The following DNAH1 variants were observed in gnomAD, a reference collection of about 807,000 sequenced individuals.
The protein encoded by DNAH1 is axonemal beta dynein heavy chain 1.
A neutral mutation model predicts 484.3 loss-of-function variants in DNAH1; 327 were observed. The ratio of observed to expected loss-of-function variants is 0.68; its 90% confidence interval spans 0.62 to 0.74. The LOEUF (loss-of-function observed/expected upper bound fraction) is 0.74. DNAH1 is among the 30% of genes least tolerant of loss of function. DNAH1 has a pLI of 0.00. For synonymous variants in DNAH1, 2,192 were observed against 2,191.9 expected (o/e 1.00, Z 0.00); for missense variants, 5,052 against 5,546.8 (o/e 0.91, Z 2.83).
At chr3:52,393,144 C>A in intron 65 of DNAH1, 119 bp downstream of exon 65, 1 of 1,429,488 alleles carries the variant, frequency 7.0e-7, no homozygotes, top group Non-Finnish European at 9.6e-7. Context: ...TCCTCTTAGA[C>A]TCACAATACA....
chr3:52,345,014 G>A (rs1197240805), intron 9 of DNAH1, among the ~76,000 whole-genome samples: 1 of 152,152 alleles, frequency 6.6e-6, no homozygotes, highest in African/African-American at 2.4e-5. Context: ...CAGGACCCCG[G>A]GGCCCAAGAA....
rs549953056 is a variant in DNAH1, at chr3:52,395,376, C to T, written c.11037C>T (p.Pro3679=). ...STTPLIFVLS[P]GTDPAADLYK... is the part of the protein sequence containing the mutation. ...CACCCCTCATCTTTGTGCTGTCACCCGGCACAGACCCTGCTGCCGACCTCT... is the reference window on the plus strand; with the variant it reads ...CACCCCTCATCTTTGTGCTGTCACCTGGCACAGACCCTGCTGCCGACCTCT... The change falls in exon 69 of 78, where the codon CCC becomes CCT. Residue 3679 remains proline, a synonymous_variant. Transcript: ENST00000420323. This position sits in a 1 kb window ranked among gnomAD's most constrained non-coding sequence, Gnocchi z 4.4. 4.9e-5 allele frequency: 79 copies of T among 1,613,842 alleles called. 1 individual carries two copies. The highest frequency in any genetic ancestry group is 1.1e-4 in the South Asian group (10 of 91,070).
rs1385444550 is a variant in DNAH1 at position 52,362,476 on chromosome 3, G to A, written c.5069G>A (p.Arg1690His). 6.2e-7 allele frequency: 1 copy of A among 1,613,774 alleles called. No individual in the cohort carries two copies. Among genetic ancestry groups the A allele is most frequent in the Non-Finnish European group, 8.5e-7 (1 of 1,179,900 alleles). ...ACCATGAACCCGGGCTACGCTGGCC[G>A]CACGGAGCTGCCTGACAATCTGAAG... ...FITMNPGYAG[R>H]TELPDNLKAL... The change falls in exon 31 of 78, where the codon CGC becomes CAC. Residue 1690 changes from arginine to histidine, a missense_variant. By Grantham distance (29) the Arg-to-His change is conservative. This residue lies in a region of DNAH1 where 2,929 missense variants were observed against 3,409.4 expected (regional missense o/e 0.86). Coordinates refer to ENST00000420323, the MANE Select transcript of DNAH1 (RefSeq NM_015512.5). The surrounding 1 kb of genome is among the most constrained non-coding windows in gnomAD (Gnocchi z 5.1).
chr3:52,326,857 A>G lies in DNAH1; in HGVS notation c.704A>G (p.His235Arg). 6.2e-7 allele frequency: 1 copy of G among 1,613,424 alleles called. No individual in the cohort carries two copies. ...HQHPQTIEQG[H>R]DPIFPIYLPL... is the part of the protein sequence containing the mutation. ...CACCCCCAAACCATCGAACAGGGCCATGACCCAATCTTCCCCATCTACCTC... is the reference window on the plus strand; with the variant it reads ...CACCCCCAAACCATCGAACAGGGCCGTGACCCAATCTTCCCCATCTACCTC... The change falls in exon 5 of 78, where the codon CAT becomes CGT. Residue 235 changes from histidine (H) to arginine (R), a missense_variant. This residue lies in a region of DNAH1 where 1,263 missense variants were observed against 1,218.8 expected (regional missense o/e 1.04). Coordinates refer to ENST00000420323, the MANE Select transcript of DNAH1 (RefSeq NM_015512.5).
rs1704661262 is a variant in DNAH1 at position 52,396,947 on chromosome 3, T to C, written c.11690T>C (p.Ile3897Thr). The C allele has an allele frequency of 6.2e-7, 1 of 1,601,882 alleles. No individual in the cohort carries two copies. Among genetic ancestry groups the C allele is most frequent in the Admixed American group, 1.7e-5 (1 of 59,504 alleles). Residue 3897 changes from isoleucine to threonine, a missense_variant, in exon 73 of 78, where the codon ATC becomes ACC. Ile to Thr is a moderately conservative substitution (Grantham distance 89). Around this residue, in one of 4 missense-constraint regions of DNAH1, gnomAD observed 853 missense variants for 899.0 expected, o/e 0.95. Coordinates refer to ENST00000420323, the MANE Select transcript of DNAH1 (RefSeq NM_015512.5). Reference sequence around the variant, plus strand: ...TGGGACCGGCGCTGCATCATGAACATCTTGGAGGACTTCTACAACCCTGAC... The same window carrying C: ...TGGGACCGGCGCTGCATCATGAACACCTTGGAGGACTTCTACAACCCTGAC... ...DDWDRRCIMNILEDFYNPDVL... is the reference protein window; with the variant it reads ...DDWDRRCIMNTLEDFYNPDVL...
Position 52,355,150 on chromosome 3 carries a change from C to T in DNAH1, c.3693+95C>T. 8.0e-7 allele frequency: 1 copy of T among 1,247,814 alleles called. No individual in the cohort carries two copies. The allele number at this position is 1,247,814 out of a possible 1,614,324, so 77.3% of individuals were successfully genotyped here. A position where few individuals can be genotyped will look rare whatever the true frequency, so the allele number is the denominator to read the frequency against. The stretch of plus-strand genomic sequence containing the variant: ...GATGGTCTCCGGGTGGGGTTCAAAG[C>T]ATCGCAGTGCCTTGCCCTCATTCAC... On this transcript the variant is annotated intron_variant, in intron 21 of 77. Coordinates refer to ENST00000420323, the MANE Select transcript of DNAH1 (RefSeq NM_015512.5). The surrounding 1 kb of genome is among the most constrained non-coding windows in gnomAD (Gnocchi z 4.5).
intron 35 of DNAH1, 53 bp downstream of exon 35, chr3:52,366,601 G>A (rs1334606380): frequency 6.4e-6 from 10 of 1,558,958 alleles, no homozygotes; most frequent in Non-Finnish European, 8.7e-6. Context: ...CCTGTAGGGG[G>A]GTGCAGCTTC....
chr3:52,346,538 G>C lies in DNAH1; in HGVS notation c.1723G>C (p.Asp575His). ...GGTGGCCATGCGCAGCAGCCTGCGC[G>C]ACATGAGCAAGGGCTGGTACAACCT... ...LKVAMRSSLR[D>H]MSKGWYNLYE... Residue 575 changes from aspartate to histidine, a missense_variant, in exon 11 of 78, where the codon GAC becomes CAC. Asp to His is a moderately conservative substitution (Grantham distance 81). This residue lies in a region of DNAH1 where 1,263 missense variants were observed against 1,218.8 expected (regional missense o/e 1.04). Coordinates refer to ENST00000420323, the MANE Select transcript of DNAH1 (RefSeq NM_015512.5). The C allele has an allele frequency of 6.2e-7, 1 of 1,613,950 alleles. No individual in the cohort carries two copies. Among genetic ancestry groups the C allele is most frequent in the South Asian group, 1.1e-5 (1 of 91,054 alleles).
upstream of DNAH1, among the ~76,000 whole-genome samples, chr3:52,311,526 C>T (rs1207272249): frequency 6.6e-6 from 1 of 152,124 alleles, no homozygotes; most frequent in African/African-American, 2.4e-5. Context: ...GGAGAGGAGA[C>T]TGCAGGGGGA....
intron 41 of DNAH1, among the ~76,000 whole-genome samples, chr3:52,371,425 TC>T (rs1703334369): frequency 6.6e-6 from 1 of 152,168 alleles, no homozygotes; most frequent in African/African-American, 2.4e-5. Context: ...GCCATAGTGA[TC>T]CCCCCATCAG....
intron 41 of DNAH1, 29 bp from the exon 42 acceptor site, chr3:52,371,917 G>A (rs1271226799): frequency 6.2e-7 from 1 of 1,609,452 alleles, no homozygotes; most frequent in Non-Finnish European, 8.5e-7. Context: ...GGGGTTCCAG[G>A]CCCACTGCTG....
chr3:52,388,975 C>T, intron 59 of DNAH1, 38 bp downstream of exon 59: 2 of 1,547,016 alleles, frequency 1.3e-6, no homozygotes, highest in Non-Finnish European at 1.7e-6. Flanking sequence ...CCAGCCTCGC[C>T]TTCCCAAAGA....
At position 52,397,882 on chromosome 3, in the gene DNAH1, G is replaced by A. The variant is rs749479420; in HGVS notation, c.11958+5G>A. 5 of 1,596,542 alleles carry A rather than the reference G, an allele frequency of 3.1e-6. No homozygotes were observed. The Admixed American group carries it at 6.8e-5, about 22-fold the overall frequency. ...GGCAGCCAGGGCCGGGAGGAGGTGGGTGGTGTCAGAGTAAGGGGCCCAAGG... is the reference window on the plus strand; with the variant it reads ...GGCAGCCAGGGCCGGGAGGAGGTGGATGGTGTCAGAGTAAGGGGCCCAAGG... On this transcript the variant is annotated splice_donor_5th_base_variant and intron_variant, in intron 74 of 77. Coordinates refer to ENST00000420323, the MANE Select transcript of DNAH1 (RefSeq NM_015512.5).
chr3:52,311,249 G>T, the DNAH1 span, among the ~76,000 whole-genome samples: 1 of 152,204 alleles, frequency 6.6e-6, no homozygotes, highest in Admixed American at 6.5e-5. Context: ...GAGGCCCTGC[G>T]CCTCCAGGAG....
chr3:52,351,139 C>T (rs372304214), intron 16 of DNAH1, among the ~76,000 whole-genome samples: 1 of 152,340 alleles, frequency 6.6e-6, no homozygotes. Flanking sequence ...CGTGAGCCAC[C>T]GCGCCCAGCC....
chr3:52,390,393 A>G (rs562393957), intron 60 of DNAH1, among the ~76,000 whole-genome samples: 1 of 152,364 alleles, frequency 6.6e-6, no homozygotes, highest in African/African-American at 2.4e-5. Flanking sequence ...TGAACCCAGG[A>G]GGTGGAGGCT....
chr3:52,377,896 C>A (rs961170306), intron 46 of DNAH1, among the ~76,000 whole-genome samples: 3 of 152,118 alleles, frequency 2.0e-5, no homozygotes, highest in Non-Finnish European at 4.4e-5. Context: ...ACTTGCTAAT[C>A]CACTCATTGT....
chr3:52,361,403 TCC>T lies in DNAH1; in HGVS notation c.4874+52_4874+53del. 6.7e-7 allele frequency: 1 copy of T among 1,490,588 alleles called. No individual in the cohort carries two copies. Among genetic ancestry groups the T allele is most frequent in the Non-Finnish European group, 9.0e-7 (1 of 1,114,510 alleles). 92.3% of individuals were successfully genotyped at this position (1,490,588 alleles called of 1,614,324 possible). A position where few individuals can be genotyped will look rare whatever the true frequency, so the allele number is the denominator to read the frequency against. On this transcript the variant is annotated intron_variant, in intron 29 of 77. Transcript: ENST00000420323. The surrounding 1 kb of genome is among the most constrained non-coding windows in gnomAD (Gnocchi z 5.6). ...AGGATGGGGTGGGACAGCCTAGCTC[TCC>T]TTGGGGAGGGCTAGGTGAGGGCAGT...
Position 52,400,396 on chromosome 3 carries a change from C to A in DNAH1, c.12748C>A (p.Arg4250=). ...AVEIPTHQPQ[R]HWIKRGVALI... ...GGAGATCCCCACCCATCAGCCCCAGCGACACTGGATAAAGCGTGGTGTGGC... is the reference window on the plus strand; with the variant it reads ...GGAGATCCCCACCCATCAGCCCCAGAGACACTGGATAAAGCGTGGTGTGGC... Residue 4250 remains arginine (R), a synonymous_variant, in exon 78 of 78, where the codon CGA becomes AGA. Transcript: ENST00000420323. 6.2e-7 allele frequency: 1 copy of A among 1,614,040 alleles called. No individual in the cohort carries two copies. Among genetic ancestry groups the A allele is most frequent in the Non-Finnish European group, 8.5e-7 (1 of 1,179,890 alleles).
Sources: gnomAD v4.1 joint callset for allele counts (sites outside exome capture counted in the v4.1 genomes callset) on GRCh38, gnomAD v4.1.1 for gene constraint, gnomAD v4.1.1 regional missense constraint, Gnocchi (gnomAD v3.1) non-coding constraint, MANE v1.5 for transcripts, NCBI Gene and HGNC (gene_info 2026-07-23, HGNC 2026-07-21) for gene names.